The following WDR70 variants were observed in gnomAD, a reference collection of about 807,000 sequenced individuals.
The protein encoded by WDR70 is WD repeat domain 70.
WDR70 carries 53 observed loss-of-function variants against 88.6 expected under a neutral mutation model. The ratio of observed to expected loss-of-function variants is 0.60; its 90% CI spans 0.48 to 0.75. The LOEUF (loss-of-function observed/expected upper bound fraction) is 0.75, where lower values mean the gene tolerates loss of function less well. WDR70 is among the 30% of genes least tolerant of loss of function. WDR70 has a pLI of 0.00. For synonymous variants in WDR70, 280 were observed against 270.0 expected (o/e 1.04, Z -0.36); for missense variants, 610 against 823.2 (o/e 0.74, Z 3.17).
At chr5:37,468,208 A>T (rs1396779378) in intron 7 of WDR70, among the ~76,000 whole-genome samples, 1 of 152,178 alleles carries the variant, frequency 6.6e-6, no homozygotes. Flanking sequence ...TAATAGGCTG[A>T]TATATTGCAC....
chr5:37,744,302 C>G (rs765564766), intron 17 of WDR70, among the ~76,000 whole-genome samples: 1 of 151,778 alleles, frequency 6.6e-6, no homozygotes, highest in African/African-American at 2.4e-5. Flanking sequence ...CAAAACTAGA[C>G]AAACTCATGA....
At chr5:37,416,259 G>A (rs925455509) in intron 5 of WDR70, among the ~76,000 whole-genome samples, 5 of 152,202 alleles carry the variant, frequency 3.3e-5, no homozygotes, top group African/African-American at 1.2e-4. Flanking sequence ...CTGCAATCCC[G>A]GCACCTCGGG....
rs571355029 is a variant in WDR70 at position 37,441,968 on chromosome 5, A to T, written c.553-1271A>T. On this transcript the variant is annotated intron_variant, in intron 6 of 17. Transcript: ENST00000265107. ...GAGAGAAAGCTACATATAGCTTAGG[A>T]ACAATGAGTTACACATTGGATATTG... Among the ~76,000 whole-genome samples, 7 of 152,242 alleles carry T rather than the reference A, an allele frequency of 4.6e-5. No individual in the cohort carries two copies. The East Asian group carries it at 1.2e-3, about 25-fold the overall frequency.
chr5:37,600,521 C>T (rs1334950973), intron 9 of WDR70, among the ~76,000 whole-genome samples: 9 of 91,158 alleles, frequency 9.9e-5, no homozygotes, highest in African/African-American at 8.0e-5. Context: ...AGCAAGACTC[C>T]GTCTCAAAAA....
intron 5 of WDR70, among the ~76,000 whole-genome samples, chr5:37,398,300 G>A (rs1288929579): frequency 6.6e-6 from 1 of 151,910 alleles, no homozygotes; most frequent in African/African-American, 2.4e-5. Flanking sequence ...GTGTTAGCCA[G>A]GATGGTCTCG....
At chr5:37,740,618 T>C (rs569220610) in intron 17 of WDR70, among the ~76,000 whole-genome samples, 1 of 152,308 alleles carries the variant, frequency 6.6e-6, no homozygotes, top group South Asian at 2.1e-4. Context: ...CATACTTTGC[T>C]TCACTTCCCC....
chr5:37,685,212 C>T (rs889077889), intron 10 of WDR70, among the ~76,000 whole-genome samples: 7 of 152,028 alleles, frequency 4.6e-5, no homozygotes, highest in African/African-American at 9.7e-5. Flanking sequence ...AGGTGGTGTG[C>T]GCTCTTACCA....
intron 9 of WDR70, among the ~76,000 whole-genome samples, chr5:37,559,092 C>G (rs551513568): frequency 1.3e-5 from 2 of 151,954 alleles, no homozygotes; most frequent in African/African-American, 4.8e-5. Context: ...CGCCACCATG[C>G]CCAGTTAATT....
intron 10 of WDR70, among the ~76,000 whole-genome samples, chr5:37,693,892 G>A (rs1333585528): frequency 2.6e-5 from 4 of 152,132 alleles, no homozygotes; most frequent in African/African-American, 9.7e-5. Flanking sequence ...CACAGCAAAA[G>A]AAACTACCAT....
In WDR70 at chr5:37,688,019, C is replaced by G. The variant is rs1446866943; in HGVS notation, c.1093-9636C>G. The G allele has an allele frequency of 6.1e-6, 4 of 653,062 alleles. No individual in the cohort carries two copies. The African/African-American group carries it at 7.1e-5, about 12-fold the overall frequency. The allele number at this position is 653,062 out of a possible 1,614,324, so 40.5% of individuals were successfully genotyped here. The stretch of plus-strand genomic sequence containing the variant: ...CTATAACTTTTAAGGTTCTTTATCT[C>G]ACTTTGTTTACTGGTATATATATGC... On this transcript the variant is annotated intron_variant, in intron 10 of 17. Transcript: ENST00000265107.
chr5:37,595,601 T>C (rs1581422307), intron 9 of WDR70, among the ~76,000 whole-genome samples: 1 of 152,294 alleles, frequency 6.6e-6, no homozygotes, highest in East Asian at 1.9e-4. Context: ...GGTTCTAAAA[T>C]TCATCTGGAA....
At chr5:37,616,508 A>C (rs1035692953) in intron 10 of WDR70, among the ~76,000 whole-genome samples, 21 of 151,946 alleles carry the variant, frequency 1.4e-4, no homozygotes, top group South Asian at 1.3e-3. Context: ...TAAACACTCC[A>C]CCCTATATGC....
chr5:37,593,163 T>C (rs503849), intron 9 of WDR70, among the ~76,000 whole-genome samples: 4,233 of 152,210 alleles, frequency 0.028, 211 homozygotes, highest in African/African-American at 0.096. Flanking sequence ...CTCTCTCTCT[T>C]TTTTTTAAAA....
At chr5:37,481,100 C>G (rs1277130082) in intron 8 of WDR70, among the ~76,000 whole-genome samples, 2 of 152,194 alleles carry the variant, frequency 1.3e-5, no homozygotes, top group East Asian at 1.9e-4. Flanking sequence ...CTTGGGCAGC[C>G]CCGCCCCTGT....
intron 8 of WDR70, among the ~76,000 whole-genome samples, chr5:37,513,569 A>G (rs1007370760): frequency 5.9e-5 from 9 of 152,192 alleles, no homozygotes; most frequent in Non-Finnish European, 1.2e-4. Context: ...GAATATACAT[A>G]CAGGGGAGTT....
At chr5:37,447,070 C>T (rs970907597) in intron 7 of WDR70, among the ~76,000 whole-genome samples, 4 of 152,120 alleles carry the variant, frequency 2.6e-5, no homozygotes, top group African/African-American at 4.8e-5. Flanking sequence ...CCAAAACCTA[C>T]AAAGAACTCT....
At chr5:37,687,768 A>C in intron 10 of WDR70, 1 of 419,456 alleles carries the variant, frequency 2.4e-6, no homozygotes, top group Middle Eastern at 3.0e-4. Flanking sequence ...TTTCAGAAAC[A>C]GATTACTTTT....
chr5:37,524,585 A>G (rs1741201009), intron 9 of WDR70, among the ~76,000 whole-genome samples: 1 of 152,222 alleles, frequency 6.6e-6, no homozygotes, highest in South Asian at 2.1e-4. Flanking sequence ...AACGAGCAAA[A>G]TAACCAGCTA....
chr5:37,474,625 A>AG (rs1212185735), intron 7 of WDR70, among the ~76,000 whole-genome samples: 1 of 152,150 alleles, frequency 6.6e-6, no homozygotes, highest in Non-Finnish European at 1.5e-5. Flanking sequence ...TTTGTTACAT[A>AG]GGTAAACGTG....
Sources: allele counts gnomAD v4.1 joint callset (sites outside exome capture counted in the v4.1 genomes callset), GRCh38; gene constraint gnomAD v4.1.1; transcripts MANE v1.5; gene names NCBI Gene and HGNC (gene_info 2026-07-23, HGNC 2026-07-21).